The following PJA2 variants were observed in gnomAD, a reference collection of about 807,000 sequenced individuals.
The protein encoded by PJA2 is praja ring finger ubiquitin ligase 2, also known as E3 ubiquitin-protein ligase Praja-2.
In PJA2, 25 loss-of-function variants were observed where a neutral mutation model predicts 69.3. The ratio of observed to expected loss-of-function variants is 0.36; its 90% CI spans 0.26 to 0.50. The LOEUF is 0.50. Ranked by LOEUF, PJA2 falls within the 20% of genes least tolerant of loss-of-function variation. The probability of loss-of-function intolerance (pLI) is 0.96; values close to 1 mark genes in which losing one functional copy is unlikely to be tolerated. For synonymous variants in PJA2, 308 were observed against 277.8 expected (o/e 1.11, Z -1.08); for missense variants, 809 against 830.2 (o/e 0.97, Z 0.31).
In PJA2 at chr5:109,368,732, T is replaced by C. The variant is rs1269466106; in HGVS notation, c.1298A>G (p.Asp433Gly). ...DKDEDSSECS[D>G]GEWSASLPHR... ...AGGCAAAGAAGCAGACCATTCCCCATCACTGCATTCAGAACTGCAAATCAG... is the reference window on the plus strand; with the variant it reads ...AGGCAAAGAAGCAGACCATTCCCCACCACTGCATTCAGAACTGCAAATCAG... The change falls in exon 5 of 10, where the codon GAT becomes GGT. Residue 433 changes from aspartate to glycine, a missense_variant. By Grantham distance (94) the Asp-to-Gly change is moderately conservative. This residue lies in a region of PJA2 where 700 missense variants were observed against 639.5 expected (regional missense o/e 1.09). Transcript: ENST00000361189. 3 of 1,613,024 alleles carry C rather than the reference T, an allele frequency of 1.9e-6. No homozygotes were observed. Among genetic ancestry groups the C allele is most frequent in the African/African-American group, 2.7e-5 (2 of 74,926 alleles).
chr5:109,394,316 G>A (rs1403968765), intron 1 of PJA2, among the ~76,000 whole-genome samples: 3 of 151,892 alleles, frequency 2.0e-5, no homozygotes, highest in East Asian at 3.9e-4. Flanking sequence ...TCAAAGTGCT[G>A]GGATTACAGG....
chr5:109,407,113 C>A (rs1747712290), intron 1 of PJA2, among the ~76,000 whole-genome samples: 1 of 152,072 alleles, frequency 6.6e-6, no homozygotes, highest in Non-Finnish European at 1.5e-5. Context: ...TGAAAATATT[C>A]CACTCTTGAC....
chr5:109,347,061 A>G (rs1027743743), intron 7 of PJA2, among the ~76,000 whole-genome samples: 4 of 152,350 alleles, frequency 2.6e-5, no homozygotes, highest in South Asian at 4.1e-4. Flanking sequence ...GCCAAGCCCA[A>G]AGCAAAATCA....
intron 7 of PJA2, among the ~76,000 whole-genome samples, chr5:109,355,354 T>C (rs1033153238): frequency 2.0e-5 from 3 of 152,194 alleles, no homozygotes; most frequent in Admixed American, 6.5e-5. Flanking sequence ...ATGAAAATAC[T>C]TGGGCTTTGA....
At chr5:109,353,616 T>C (rs1390740937) in intron 7 of PJA2, among the ~76,000 whole-genome samples, 1 of 146,692 alleles carries the variant, frequency 6.8e-6, no homozygotes, top group East Asian at 2.1e-4. Context: ...TAGACATCTA[T>C]ATATTAGATA....
At chr5:109,362,218 C>G (rs1191768696) in intron 6 of PJA2, among the ~76,000 whole-genome samples, 2 of 152,128 alleles carry the variant, frequency 1.3e-5, no homozygotes, top group African/African-American at 4.8e-5. Flanking sequence ...TTTCAGTGGG[C>G]TACTATACAC....
At chr5:109,397,716 G>A (rs1747449325) in intron 1 of PJA2, among the ~76,000 whole-genome samples, 1 of 151,890 alleles carries the variant, frequency 6.6e-6, no homozygotes, top group African/African-American at 2.4e-5. Flanking sequence ...TAGAAACAGG[G>A]TTTCACTATG....
intron 3 of PJA2, among the ~76,000 whole-genome samples, chr5:109,380,440 C>G (rs959703645): frequency 2.0e-5 from 3 of 152,026 alleles, no homozygotes; most frequent in African/African-American, 4.8e-5. Flanking sequence ...ATTGAATAAG[C>G]CTTCCTTGTC....
chr5:109,408,193 G>T (rs1396287257), intron 1 of PJA2, among the ~76,000 whole-genome samples: 4 of 152,132 alleles, frequency 2.6e-5, no homozygotes, highest in Admixed American at 2.6e-4. Flanking sequence ...ATGCAAGCAG[G>T]ACTAGAAGTG....
chr5:109,369,267 C>T (rs1762633729), intron 4 of PJA2, among the ~76,000 whole-genome samples: 1 of 152,232 alleles, frequency 6.6e-6, no homozygotes, highest in Non-Finnish European at 1.5e-5. Context: ...AGTGTCGATG[C>T]CACATATGCT....
chr5:109,403,832 G>A (rs189666134), intron 1 of PJA2, among the ~76,000 whole-genome samples: 1 of 151,934 alleles, frequency 6.6e-6, no homozygotes, highest in Non-Finnish European at 1.5e-5. Flanking sequence ...AACACTTTGG[G>A]GGGCCAAGGC....
intron 6 of PJA2, among the ~76,000 whole-genome samples, chr5:109,359,338 T>A (rs567763362): frequency 2.0e-5 from 3 of 152,324 alleles, no homozygotes; most frequent in Middle Eastern, 3.4e-3. Context: ...AGTCAAAAGT[T>A]ACGCTTGGAT....
chr5:109,360,791 T>C (rs1411470618), intron 6 of PJA2, among the ~76,000 whole-genome samples: 1 of 152,230 alleles, frequency 6.6e-6, no homozygotes, highest in Non-Finnish European at 1.5e-5. Flanking sequence ...AGATCATCAG[T>C]GAATTAGAAC....
rs1561344380 is a variant in PJA2, at chr5:109,352,982, TATATCTATA to T, written c.1764+2924_1764+2932del. 1.3e-3 allele frequency among the ~76,000 whole-genome samples: 33 copies of T among 24,770 alleles called. 2 individuals are homozygous for T. The highest frequency in any genetic ancestry group is 2.7e-3 in the East Asian group (6 of 2,254). The allele number at this position is 24,770 out of a possible 152,430, so 16.3% of individuals were successfully genotyped here. A position where few individuals can be genotyped will look rare whatever the true frequency, so the allele number is the denominator to read the frequency against. ...TATAGACATCTATATATTAGATACC[TATATCTATA>T]GATATCTATATATTAGATACCTATA... On this transcript the variant is annotated intron_variant, in intron 7 of 9. Coordinates refer to ENST00000361189, the MANE Select transcript of PJA2 (RefSeq NM_014819.5).
chr5:109,369,984 A>T (rs1290140987), intron 4 of PJA2, among the ~76,000 whole-genome samples: 1 of 141,302 alleles, frequency 7.1e-6, no homozygotes, highest in Non-Finnish European at 1.5e-5. Flanking sequence ...GTGAGCAGAG[A>T]TTGTGCCATC....
chr5:109,407,542 T>G (rs1246249377), intron 1 of PJA2, among the ~76,000 whole-genome samples: 2 of 152,162 alleles, frequency 1.3e-5, no homozygotes, highest in African/African-American at 4.8e-5. Context: ...AATCTACCAG[T>G]GCTCAACATT....
At chr5:109,348,015 C>T (rs1484050057) in intron 7 of PJA2, among the ~76,000 whole-genome samples, 2 of 152,160 alleles carry the variant, frequency 1.3e-5, no homozygotes, top group Non-Finnish European at 2.9e-5. Context: ...ACCTGTTGAG[C>T]TTGAGCTCAG....
chr5:109,380,620 C>A (rs1459916064), intron 3 of PJA2, among the ~76,000 whole-genome samples: 1 of 151,776 alleles, frequency 6.6e-6, no homozygotes, highest in Admixed American at 6.6e-5. Flanking sequence ...CCAGCCTGGG[C>A]AACATGGCAA....
intron 1 of PJA2, among the ~76,000 whole-genome samples, chr5:109,392,193 C>T (rs1747296575): frequency 6.6e-6 from 1 of 152,038 alleles, no homozygotes; most frequent in Non-Finnish European, 1.5e-5. Flanking sequence ...AGAAGACAAA[C>T]CTTAAAAACT....
Sources: gnomAD v4.1 joint callset for allele counts (sites outside exome capture counted in the v4.1 genomes callset) on GRCh38, gnomAD v4.1.1 for gene constraint, gnomAD v4.1.1 regional missense constraint, MANE v1.5 for transcripts, NCBI Gene and HGNC (gene_info 2026-07-23, HGNC 2026-07-21) for gene names.